S1PR1: variants seen among roughly 807,000 people sequenced by gnomAD.
S1PR1 encodes sphingosine-1-phosphate receptor 1.
S1PR1 carries 2 observed loss-of-function variants against 18.3 expected under a neutral mutation model. The ratio of observed to expected loss-of-function variants is 0.11; its 90% CI spans 0.04 to 0.34. The LOEUF (loss-of-function observed/expected upper bound fraction) is 0.34, where lower values mean the gene tolerates loss of function less well. Ranked by LOEUF, S1PR1 falls within the 10% of genes least tolerant of loss-of-function variation. S1PR1 has a pLI of 1.00. For synonymous variants in S1PR1, 222 were observed against 211.2 expected, an observed-to-expected ratio of 1.05 and a Z score of -0.44; for missense variants, 335 against 493.8, an observed-to-expected ratio of 0.68 and a Z score of 3.05.
At position 101,240,540 on chromosome 1, in the gene S1PR1, G is replaced by A. The variant is rs1652856991; in HGVS notation, c.*407G>A. On this transcript the variant is annotated 3_prime_UTR_variant, in exon 2 of 2. Transcript: ENST00000305352. ...TCACTTTAGTTTCAAACCCAAGTGA[G>A]TGTGTGCACTTCTGCTTCTTTAGGG... 1 of 240,402 alleles carries A rather than the reference G, an allele frequency of 4.2e-6. No individual in the cohort carries two copies. Among genetic ancestry groups the A allele is most frequent in the Admixed American group, 5.2e-5 (1 of 19,270 alleles). The allele number at this position is 240,402 out of a possible 1,614,324, so 14.9% of individuals were successfully genotyped here. A position where few individuals can be genotyped will look rare whatever the true frequency, so the allele number is the denominator to read the frequency against.
At position 101,238,976 on chromosome 1, in the gene S1PR1, G is replaced by GT. The variant is rs773052095; in HGVS notation, c.-7dup. 5 of 1,607,938 alleles carry GT rather than the reference G, an allele frequency of 3.1e-6. No individual in the cohort carries two copies. Among genetic ancestry groups the GT allele is most frequent in the Non-Finnish European group, 4.2e-6 (5 of 1,176,606 alleles). The stretch of plus-strand genomic sequence containing the variant: ...CACCCCGGCTTCCTGGGGACACAGG[G>GT]TTGGCACCATGGGGCCCACCAGCGT... On this transcript the variant is annotated 5_prime_UTR_variant, in exon 2 of 2. Transcript: ENST00000305352.
rs1227690048 is a variant in S1PR1, at chr1:101,238,926, C to G, written c.-59C>G. 1.3e-6 allele frequency: 2 copies of G among 1,517,110 alleles called. No homozygotes were observed. The highest frequency in any genetic ancestry group is 1.4e-5 in the African/African-American group (1 of 72,562). The allele number at this position is 1,517,110 out of a possible 1,614,324, so 94.0% of individuals were successfully genotyped here. A position where few individuals can be genotyped will look rare whatever the true frequency, so the allele number is the denominator to read the frequency against. On this transcript the variant is annotated 5_prime_UTR_variant, in exon 2 of 2. Coordinates refer to ENST00000305352, the MANE Select transcript of S1PR1 (RefSeq NM_001400.5). The stretch of plus-strand genomic sequence containing the variant: ...CCAGTGAAGGCTCTCTCGCCTCGCC[C>G]TCTAGCGTTCGTCTGGAGTAGCGCC...
downstream of S1PR1, among the ~76,000 whole-genome samples, chr1:101,241,800 T>C (rs1460177921): frequency 6.6e-6 from 1 of 152,224 alleles, no homozygotes; most frequent in African/African-American, 2.4e-5. Context: ...AGTTTTAAAC[T>C]GCATTTAAGC....
chr1:101,237,343 G>T (rs895897766), intron 1 of S1PR1, among the ~76,000 whole-genome samples: 6 of 152,206 alleles, frequency 3.9e-5, no homozygotes, highest in Non-Finnish European at 7.3e-5. Context: ...GAACCTACGG[G>T]TGTAGGGGCA....
rs551493510 is a variant in S1PR1 at position 101,241,310 on chromosome 1, T to C, written c.*1177T>C. 7.2e-5 allele frequency: 12 copies of C among 167,340 alleles called. No homozygotes were observed. The highest frequency in any genetic ancestry group is 2.9e-4 in the African/African-American group (12 of 41,576). 10.4% of individuals were successfully genotyped at this position (167,340 alleles called of 1,614,324 possible). On this transcript the variant is annotated 3_prime_UTR_variant, in exon 2 of 2. Transcript: ENST00000305352. ...GCCAGAAACTTTTCAGTCCAGCTATTCATTAGATAGTAATTGAAGATATGT... is the reference window on the plus strand; with the variant it reads ...GCCAGAAACTTTTCAGTCCAGCTATCCATTAGATAGTAATTGAAGATATGT...
Position 101,238,910 on chromosome 1 carries a change from G to A in S1PR1, c.-75G>A. 2 of 1,421,124 alleles carry A rather than the reference G, an allele frequency of 1.4e-6. No individual in the cohort carries two copies. Among genetic ancestry groups the A allele is most frequent in the Non-Finnish European group, 1.9e-6 (2 of 1,059,786 alleles). The allele number at this position is 1,421,124 out of a possible 1,614,324, so 88.0% of individuals were successfully genotyped here. ...CGAACCACCCCTGAAGCCAGTGAAGGCTCTCTCGCCTCGCCCTCTAGCGTT... is the reference window on the plus strand; with the variant it reads ...CGAACCACCCCTGAAGCCAGTGAAGACTCTCTCGCCTCGCCCTCTAGCGTT... On this transcript the variant is annotated 5_prime_UTR_variant, in exon 2 of 2. Transcript: ENST00000305352.
Position 101,240,067 on chromosome 1 carries a change from C to G in S1PR1, c.1083C>G (p.Pro361=), listed in dbSNP as rs141856404. 9.3e-6 allele frequency: 15 copies of G among 1,613,532 alleles called. No homozygotes were observed. Among genetic ancestry groups the G allele is most frequent in the African/African-American group, 5.3e-5 (4 of 74,922 alleles). The change falls in exon 2 of 2, where the codon CCC becomes CCG. Residue 361 remains proline, a synonymous_variant. Transcript: ENST00000305352. ...GCAAATCGGACAATTCCTCCCACCC[C>G]CAGAAAGACGAAGGGGACAACCCAG... ...SRSKSDNSSH[P]QKDEGDNPET...
Position 101,238,993 on chromosome 1 carries a change from C to T in S1PR1, c.9C>T (p.Pro3=). The T allele has an allele frequency of 1.2e-6, 2 of 1,612,616 alleles. No homozygotes were observed. Among genetic ancestry groups the T allele is most frequent in the Non-Finnish European group, 1.7e-6 (2 of 1,179,052 alleles). Residue 3 remains proline (P), a synonymous_variant, in exon 2 of 2, where the codon CCC becomes CCT. Coordinates refer to ENST00000305352, the MANE Select transcript of S1PR1 (RefSeq NM_001400.5). ...GACACAGGGTTGGCACCATGGGGCC[C>T]ACCAGCGTCCCGCTGGTCAAGGCCC... MG[P]TSVPLVKAHR...
chr1:101,241,930 C>A (rs1370141723), downstream of S1PR1, among the ~76,000 whole-genome samples: 4 of 151,022 alleles, frequency 2.6e-5, no homozygotes. Flanking sequence ...CAAAACCCAT[C>A]AAAAAAGCAT....
intron 1 of S1PR1, among the ~76,000 whole-genome samples, 186 bp downstream of exon 1, chr1:101,237,285 G>T (rs945931595): frequency 2.0e-5 from 3 of 152,172 alleles, no homozygotes; most frequent in Non-Finnish European, 4.4e-5. Context: ...TTGTTCTTGG[G>T]CACTTGTGAT....
In S1PR1 at chr1:101,239,793, C is replaced by T. The variant is rs778686277; in HGVS notation, c.809C>T (p.Ala270Val). ...CTGAGCGTCTTCATCGCCTGCTGGGCACCGCTCTTCATCCTGCTCCTGCTG... is the reference window on the plus strand; with the variant it reads ...CTGAGCGTCTTCATCGCCTGCTGGGTACCGCTCTTCATCCTGCTCCTGCTG... ...IVLSVFIACW[A>V]PLFILLLLDV... Residue 270 changes from alanine (A) to valine (V), a missense_variant, in exon 2 of 2, where the codon GCA (alanine) becomes GTA (valine). Coordinates refer to ENST00000305352, the MANE Select transcript of S1PR1 (RefSeq NM_001400.5). The surrounding 1 kb of genome is among the most constrained non-coding windows in gnomAD (Gnocchi z 6.3). 11 of 1,613,682 alleles carry T rather than the reference C, an allele frequency of 6.8e-6. No homozygotes were observed. In the African/African-American group the frequency reaches 1.1e-4, roughly 16 times the overall value.
rs12085213 is a variant in S1PR1 at position 101,238,678 on chromosome 1, A to T, written c.-163-144A>T. The T allele has an allele frequency of 5.1e-3, 1,087 of 214,422 alleles. 8 individuals are homozygous for T. The African/African-American group carries it at 0.071, about 14-fold the overall frequency. 13.3% of individuals were successfully genotyped at this position (214,422 alleles called of 1,614,324 possible). A position where few individuals can be genotyped will look rare whatever the true frequency, so the allele number is the denominator to read the frequency against. ...GAAGAAAAAAGATAATTTGATTTTT[A>T]AAAAAAATCTCTCTCCCTGAGCTCT... On this transcript the variant is annotated intron_variant, in intron 1 of 1. Coordinates refer to ENST00000305352, the MANE Select transcript of S1PR1 (RefSeq NM_001400.5).
In S1PR1 at chr1:101,240,539, A is replaced by C. The variant is rs1652856808; in HGVS notation, c.*406A>C. 4.1e-6 allele frequency: 1 copy of C among 243,020 alleles called. No individual in the cohort carries two copies. Among genetic ancestry groups the C allele is most frequent in the Non-Finnish European group, 8.7e-6 (1 of 114,732 alleles). The allele number at this position is 243,020 out of a possible 1,614,324, so 15.1% of individuals were successfully genotyped here. On this transcript the variant is annotated 3_prime_UTR_variant, in exon 2 of 2. Coordinates refer to ENST00000305352, the MANE Select transcript of S1PR1 (RefSeq NM_001400.5). ...TTCACTTTAGTTTCAAACCCAAGTG[A>C]GTGTGTGCACTTCTGCTTCTTTAGG...
chr1:101,237,470 C>T (rs775964105), intron 1 of S1PR1, among the ~76,000 whole-genome samples: 4 of 152,148 alleles, frequency 2.6e-5, no homozygotes, highest in Non-Finnish European at 4.4e-5. Context: ...ATTAGTACTG[C>T]CCAGGAGCAG....
At chr1:101,237,495 T>C (rs913039188) in intron 1 of S1PR1, among the ~76,000 whole-genome samples, 1 of 152,196 alleles carries the variant, frequency 6.6e-6, no homozygotes, top group African/African-American at 2.4e-5. Context: ...TAAAATTAGT[T>C]GGGGGAAAAT....
intron 1 of S1PR1, among the ~76,000 whole-genome samples, 199 bp from the exon 2 acceptor site, chr1:101,238,623 C>T (rs1652784408): frequency 6.6e-6 from 1 of 151,292 alleles, no homozygotes; most frequent in Non-Finnish European, 1.5e-5. Context: ...TTTCTTCCCC[C>T]TCTTCCTTTT....
intron 1 of S1PR1, among the ~76,000 whole-genome samples, chr1:101,238,459 T>G (rs1375308924): frequency 6.6e-6 from 1 of 150,724 alleles, no homozygotes; most frequent in Admixed American, 6.6e-5. Context: ...AGGGCAGGAG[T>G]GGAGTTAAAA....
chr1:101,238,043 A>G (rs1201620985), intron 1 of S1PR1: 1 of 149,678 alleles, frequency 6.7e-6, no homozygotes, highest in African/African-American at 2.5e-5. Context: ...AATAAGAAGA[A>G]GAAAGAAAAG....
chr1:101,240,344 T>G lies in S1PR1; in HGVS notation c.*211T>G. ...AACAATGCACTGGGAAGGGTGGAGA[T>G]CAGGTCCCGGCCTGGAATATATTTT... On this transcript the variant is annotated 3_prime_UTR_variant, in exon 2 of 2. Transcript: ENST00000305352. 1 of 618,394 alleles carries G rather than the reference T, an allele frequency of 1.6e-6. No individual in the cohort carries two copies. Among genetic ancestry groups the G allele is most frequent in the Non-Finnish European group, 2.9e-6 (1 of 341,114 alleles). The allele number at this position is 618,394 out of a possible 1,614,324, so 38.3% of individuals were successfully genotyped here. A position where few individuals can be genotyped will look rare whatever the true frequency, so the allele number is the denominator to read the frequency against.
Sources: gnomAD v4.1 joint callset for allele counts (sites outside exome capture counted in the v4.1 genomes callset) on GRCh38, gnomAD v4.1.1 for gene constraint, Gnocchi (gnomAD v3.1) non-coding constraint, MANE v1.5 for transcripts, NCBI Gene and HGNC (gene_info 2026-07-23, HGNC 2026-07-21) for gene names.